MSI2: variants seen among roughly 807,000 people sequenced by gnomAD.
MSI2 encodes the protein musashi RNA binding protein 2.
A neutral mutation model predicts 45.6 loss-of-function variants in MSI2; 17 were observed. The ratio of observed to expected loss-of-function variants is 0.37; its 90% CI spans 0.26 to 0.56. The LOEUF (loss-of-function observed/expected upper bound fraction) is 0.56. Ranked by LOEUF, MSI2 falls within the 20% of genes least tolerant of loss-of-function variation. The probability of loss-of-function intolerance (pLI) is 0.77; values close to 1 mark genes in which losing one functional copy is unlikely to be tolerated. For synonymous variants in MSI2, 156 were observed against 158.2 expected (o/e 0.99, Z 0.11); for missense variants, 293 against 444.2 (o/e 0.66, Z 3.06).
chr17:57,575,115 C>G (rs1484803538), intron 7 of MSI2, among the ~76,000 whole-genome samples: 4 of 151,904 alleles, frequency 2.6e-5, no homozygotes, highest in Admixed American at 2.6e-4. Flanking sequence ...CAGGCGTGAG[C>G]CACTGTGCCC....
intron 13 of MSI2, among the ~76,000 whole-genome samples, chr17:57,677,809 G>T (rs961886270): frequency 6.6e-6 from 1 of 152,182 alleles, no homozygotes. Flanking sequence ...GGAGAGGGAG[G>T]TTGGGGCAGT....
At chr17:57,322,321 T>G (rs1913417354) in intron 5 of MSI2, among the ~76,000 whole-genome samples, 1 of 152,182 alleles carries the variant, frequency 6.6e-6, no homozygotes, top group African/African-American at 2.4e-5. Context: ...CCTCTGCACT[T>G]TGTGGTCAGG....
intron 5 of MSI2, chr17:57,274,589 A>G (rs1414753122): frequency 2.0e-5 from 3 of 152,236 alleles, no homozygotes; most frequent in Admixed American, 1.3e-4. Flanking sequence ...TAGTAGTTGG[A>G]GAACGCTAAG....
At chr17:57,343,105 A>G (rs1441643437) in intron 5 of MSI2, among the ~76,000 whole-genome samples, 4 of 152,220 alleles carry the variant, frequency 2.6e-5, no homozygotes, top group African/African-American at 4.8e-5. Flanking sequence ...AAATGTGACT[A>G]CAATCAATTT....
At chr17:57,273,106 T>C (rs552595244) in intron 5 of MSI2, among the ~76,000 whole-genome samples, 9 of 152,312 alleles carry the variant, frequency 5.9e-5, no homozygotes, top group Non-Finnish European at 1.0e-4. Flanking sequence ...TAGGAGAGAA[T>C]TGGGTTGTGA....
At chr17:57,598,402 A>T (rs1250359962) in intron 8 of MSI2, among the ~76,000 whole-genome samples, 1 of 152,212 alleles carries the variant, frequency 6.6e-6, no homozygotes, top group African/African-American at 2.4e-5. Flanking sequence ...TACAGGCCTG[A>T]TTCAATATTT....
At chr17:57,534,680 A>C (rs1275305230) in intron 7 of MSI2, among the ~76,000 whole-genome samples, 3 of 152,074 alleles carry the variant, frequency 2.0e-5, no homozygotes, top group Non-Finnish European at 4.4e-5. Flanking sequence ...GCGCCATTGC[A>C]CTCCAGCCTG....
chr17:57,314,710 T>C (rs1016736549), intron 5 of MSI2, among the ~76,000 whole-genome samples: 1 of 151,822 alleles, frequency 6.6e-6, no homozygotes, highest in African/African-American at 2.4e-5. Context: ...TAGCTGGGAT[T>C]ACAGGCACGT....
intron 6 of MSI2, among the ~76,000 whole-genome samples, chr17:57,512,160 G>A (rs960589499): frequency 6.6e-6 from 1 of 152,214 alleles, no homozygotes; most frequent in Non-Finnish European, 1.5e-5. Context: ...CACTTATCAC[G>A]TATCCTGCAC....
chr17:57,459,897 GGCGGGCAGATCACCT>G (rs1372036676), intron 6 of MSI2, among the ~76,000 whole-genome samples: 2 of 152,048 alleles, frequency 1.3e-5, no homozygotes, highest in Non-Finnish European at 2.9e-5. Flanking sequence ...GGAAGGCTGA[GGCGGGCAGATCACCT>G]GAGGTCAGGA....
intron 6 of MSI2, among the ~76,000 whole-genome samples, chr17:57,405,326 A>G (rs939508504): frequency 6.6e-6 from 1 of 152,248 alleles, no homozygotes; most frequent in Admixed American, 6.5e-5. Context: ...AAACAGATGC[A>G]TGTAGTTGTG....
At chr17:57,489,682 A>G (rs1000416982) in intron 6 of MSI2, among the ~76,000 whole-genome samples, 4 of 152,188 alleles carry the variant, frequency 2.6e-5, no homozygotes, top group African/African-American at 9.6e-5. Context: ...CCTCCCTGGC[A>G]CATGCAGCTC....
chr17:57,511,403 T>G (rs1221444215), intron 6 of MSI2, among the ~76,000 whole-genome samples: 4 of 152,126 alleles, frequency 2.6e-5, no homozygotes, highest in African/African-American at 9.7e-5. Flanking sequence ...CACCCCACAC[T>G]TACCCAGAGA....
the MSI2 span, among the ~76,000 whole-genome samples, chr17:57,696,505 C>G: frequency 6.6e-6 from 1 of 152,224 alleles, no homozygotes; most frequent in South Asian, 2.1e-4. Flanking sequence ...TTTGGGAGGC[C>G]AAGGCAGGAG....
intron 6 of MSI2, among the ~76,000 whole-genome samples, chr17:57,503,749 T>A (rs989775498): frequency 6.6e-6 from 1 of 152,128 alleles, no homozygotes; most frequent in Non-Finnish European, 1.5e-5. Flanking sequence ...TTTTGTTTGT[T>A]TGTTTGTTTG....
At chr17:57,538,843 G>A (rs950682746) in intron 7 of MSI2, among the ~76,000 whole-genome samples, 2 of 152,196 alleles carry the variant, frequency 1.3e-5, no homozygotes, top group African/African-American at 4.8e-5. Flanking sequence ...CACATGCTCT[G>A]AAGTGAGACA....
intron 7 of MSI2, among the ~76,000 whole-genome samples, chr17:57,537,014 G>A (rs1452188971): frequency 1.3e-5 from 2 of 152,186 alleles, no homozygotes; most frequent in Admixed American, 6.5e-5. Flanking sequence ...GAGTCCAAGA[G>A]GTCTTGAGGG....
At chr17:57,415,509 A>C (rs1441467934) in intron 6 of MSI2, among the ~76,000 whole-genome samples, 2 of 152,080 alleles carry the variant, frequency 1.3e-5, no homozygotes, top group Non-Finnish European at 1.5e-5. Flanking sequence ...CTGTCTCCTG[A>C]GCCTGGTTTC....
intron 6 of MSI2, among the ~76,000 whole-genome samples, chr17:57,498,910 C>G: frequency 8.1e-6 from 1 of 123,540 alleles, no homozygotes; most frequent in South Asian, 3.5e-4. Context: ...AATGCTGTCC[C>G]TCCCCCCTCC....
Sources: allele counts gnomAD v4.1 joint callset (sites outside exome capture counted in the v4.1 genomes callset), GRCh38; gene constraint gnomAD v4.1.1; transcripts MANE v1.5; gene names NCBI Gene and HGNC (gene_info 2026-07-23, HGNC 2026-07-21).